The following LAT2 variants were observed in gnomAD, a reference collection of about 807,000 sequenced individuals.
LAT2 encodes the protein linker for activation of T-cells family member 2.
Under a neutral mutation model 43.4 loss-of-function variants are expected in LAT2, and 23 were observed. The ratio of observed to expected loss-of-function variants is 0.53; its 90% CI spans 0.38 to 0.75. LAT2 has a LOEUF of 0.75. LAT2 is among the 30% of genes least tolerant of loss of function. The pLI, the probability that LAT2 is intolerant of heterozygous loss-of-function variation, is 0.00. For missense variants in LAT2, 284 were observed against 310.2 expected, an observed-to-expected ratio of 0.92 and a Z score of 0.64; for synonymous variants, 128 against 123.2, an observed-to-expected ratio of 1.04 and a Z score of -0.26.
rs782747201 is a variant in LAT2, at chr7:74,219,973, A to T, written c.192A>T (p.Ala64=). Residue 64 remains alanine, a synonymous_variant, in exon 6 of 14, where the codon GCA becomes GCT. Transcript: ENST00000460943. ...GSRTYSLVGQ[A]WPGPLADMAP... ...TGCCCTTTGTAGTGGTCGGGCAGGC[A>T]TGGCCAGGACCCCTGGCGGACATGG... 14 of 1,613,640 alleles carry T rather than the reference A, an allele frequency of 8.7e-6. No individual in the cohort carries two copies. Among genetic ancestry groups the T allele is most frequent in the Non-Finnish European group, 1.2e-5 (14 of 1,179,982 alleles).
intron 10 of LAT2, among the ~76,000 whole-genome samples, chr7:74,222,378 G>A (rs1802319671): frequency 6.7e-6 from 1 of 149,530 alleles, no homozygotes; most frequent in Admixed American, 6.7e-5. Flanking sequence ...TCCAGCCTGG[G>A]CAACAGAGTG....
Position 74,220,236 on chromosome 7 carries a change from T to C in LAT2, c.247T>C (p.Phe83Leu). 6.2e-7 allele frequency: 1 copy of C among 1,611,532 alleles called. No individual in the cohort carries two copies. Among genetic ancestry groups the C allele is most frequent in the Non-Finnish European group, 8.5e-7 (1 of 1,178,460 alleles). ...CTGCAGGAAGGACAAGCTGTTGCAA[T>C]TCTACCCCAGCCTGGAGGGTGAGTG... ...APTRKDKLLQ[F>L]YPSLEDPASS... is the part of the protein sequence containing the mutation. The change falls in exon 7 of 14, where the codon TTC becomes CTC. Residue 83 changes from phenylalanine to leucine, a missense_variant. Phe to Leu is a conservative substitution (Grantham distance 22, BLOSUM62 0). Coordinates refer to ENST00000460943, the MANE Select transcript of LAT2 (RefSeq NM_032464.3). This position sits in a 1 kb window ranked among gnomAD's most constrained non-coding sequence, Gnocchi z 4.5.
At chr7:74,215,661 C>T (rs529502531) in intron 2 of LAT2, among the ~76,000 whole-genome samples, 4 of 152,276 alleles carry the variant, frequency 2.6e-5, no homozygotes, top group Admixed American at 6.5e-5. Context: ...CTAGATTAAG[C>T]GAGGCTGTGT....
At chr7:74,215,062 C>G (rs1473323064) in intron 2 of LAT2, 52 bp downstream of exon 2, 4 of 151,958 alleles carry the variant, frequency 2.6e-5, no homozygotes, top group African/African-American at 9.7e-5. Context: ...GCTGTGGCTC[C>G]AAGGCTGGGA....
intron 5 of LAT2, 60 bp downstream of exon 5, chr7:74,219,847 C>T: frequency 6.2e-7 from 1 of 1,612,438 alleles, no homozygotes; most frequent in Non-Finnish European, 8.5e-7. Context: ...ATCAAGTTAT[C>T]TCGGTCCCCA....
chr7:74,213,642 C>G (rs1255432118), intron 1 of LAT2, among the ~76,000 whole-genome samples: 1 of 152,032 alleles, frequency 6.6e-6, no homozygotes, highest in Non-Finnish European at 1.5e-5. Flanking sequence ...TCAGGCTAGT[C>G]TCGAACTCCC....
intron 13 of LAT2, 84 bp downstream of exon 13, chr7:74,224,844 C>T (rs576687307): frequency 6.7e-6 from 7 of 1,050,270 alleles, no homozygotes; most frequent in East Asian, 2.7e-5. Flanking sequence ...AGGGAACAGC[C>T]GAGAGTGTGG....
chr7:74,210,735 G>T (rs879959800), intron 1 of LAT2, among the ~76,000 whole-genome samples: 1 of 152,146 alleles, frequency 6.6e-6, no homozygotes, highest in Admixed American at 6.6e-5. Flanking sequence ...ATCATTTGAA[G>T]TCAGGAGCTG....
At chr7:74,218,853 T>C (rs149670747) in intron 4 of LAT2, among the ~76,000 whole-genome samples, 3,779 of 147,990 alleles carry the variant, frequency 0.026, 164 homozygotes, top group African/African-American at 0.088. Context: ...TGCGCCACCA[T>C]GCCCAGCTAA....
chr7:74,225,440 G>GCACT (rs1342674844), intron 13 of LAT2: 1 of 152,302 alleles, frequency 6.6e-6, no homozygotes, highest in Non-Finnish European at 1.5e-5. Flanking sequence ...AGCCCAGCAG[G>GCACT]CACTCGGTCA....
At chr7:74,219,110 C>T (rs1200168780) in intron 4 of LAT2, among the ~76,000 whole-genome samples, 1 of 143,430 alleles carries the variant, frequency 7.0e-6, no homozygotes, top group Non-Finnish European at 1.5e-5. Flanking sequence ...AATCTCGGCT[C>T]ACTGCAAGCT....
intron 13 of LAT2, chr7:74,225,489 G>C (rs1239975732): frequency 4.6e-5 from 7 of 152,366 alleles, no homozygotes; most frequent in African/African-American, 1.7e-4. Context: ...GTTGGGAAAT[G>C]TAACAGTGGC....
intron 12 of LAT2, 130 bp from the exon 13 acceptor site, chr7:74,224,509 C>A (rs55973656): frequency 2.6e-6 from 2 of 779,678 alleles, no homozygotes; most frequent in African/African-American, 1.7e-5. Context: ...AGACACACAC[C>A]GCCAGGACCT....
chr7:74,212,308 TCTCA>T (rs1801760618), intron 1 of LAT2, among the ~76,000 whole-genome samples: 1 of 151,784 alleles, frequency 6.6e-6, no homozygotes, highest in Non-Finnish European at 1.5e-5. Flanking sequence ...TGAGATGGAG[TCTCA>T]CTCTGTCTCC....
chr7:74,219,507 T>C (rs1425552849), intron 4 of LAT2, among the ~76,000 whole-genome samples: 3 of 152,164 alleles, frequency 2.0e-5, no homozygotes, highest in Admixed American at 2.0e-4. Flanking sequence ...AGAGCCGGGC[T>C]CCAGCCCAGG....
chr7:74,219,743 G>A lies in LAT2; in HGVS notation c.135-1G>A, dbSNP rs782055942. 1 of 1,614,124 alleles carries A rather than the reference G, an allele frequency of 6.2e-7. No individual in the cohort carries two copies. Among genetic ancestry groups the A allele is most frequent in the Non-Finnish European group, 8.5e-7 (1 of 1,180,016 alleles). On this transcript the variant is annotated splice_acceptor_variant, in intron 4 of 13. Coordinates refer to ENST00000460943, the MANE Select transcript of LAT2 (RefSeq NM_032464.3). LOFTEE classifies it high-confidence loss of function. ...GCTCAGCACAGCCCATGCATTTCCA[G>A]GCGTGAGGACCAACAGAGCTTTACG...
At chr7:74,215,310 T>C (rs1190311592) in intron 2 of LAT2, 1 of 152,738 alleles carries the variant, frequency 6.5e-6, no homozygotes, top group African/African-American at 2.4e-5. Flanking sequence ...GGGCTTGCAG[T>C]TGTTTCAGGA....
intron 3 of LAT2, 24 bp downstream of exon 3, chr7:74,216,093 G>C (rs975425561): frequency 1.3e-6 from 2 of 1,588,914 alleles, no homozygotes; most frequent in Non-Finnish European, 1.7e-6. Flanking sequence ...TCGGGGACGT[G>C]ATGGGGAGAA....
intron 10 of LAT2, 27 bp downstream of exon 10, chr7:74,221,719 G>A (rs782425282): frequency 1.4e-5 from 22 of 1,603,546 alleles, no homozygotes; most frequent in African/African-American, 2.7e-5. Flanking sequence ...AGCCGGAGGT[G>A]GAGGAAGTGG....
Sources: gnomAD v4.1 joint callset for allele counts (sites outside exome capture counted in the v4.1 genomes callset) on GRCh38, gnomAD v4.1.1 for gene constraint, Gnocchi (gnomAD v3.1) non-coding constraint, MANE v1.5 for transcripts, NCBI Gene and HGNC (gene_info 2026-07-23, HGNC 2026-07-21) for gene names.